PTPN22: variants seen among roughly 807,000 people sequenced by gnomAD.
The protein encoded by PTPN22 is tyrosine-protein phosphatase non-receptor type 22.
Under a neutral mutation model 103.3 loss-of-function variants are expected in PTPN22, and 85 were observed. The ratio of observed to expected loss-of-function variants is 0.82; its 90% confidence interval spans 0.69 to 0.99. The LOEUF (loss-of-function observed/expected upper bound fraction) is 0.99. Among genes scored for constraint, PTPN22 ranks in the 50% least tolerant of loss-of-function variants. The pLI, the probability that PTPN22 is intolerant of heterozygous loss-of-function variation, is 0.00. For missense variants in PTPN22, 865 were observed against 936.9 expected (o/e 0.92, Z 1.00); for synonymous variants, 323 against 310.2 (o/e 1.04, Z -0.43).
At position 113,871,669 on chromosome 1, in the gene PTPN22, A is replaced by G; in HGVS notation, c.-46T>C. 2 of 1,556,512 alleles carry G rather than the reference A, an allele frequency of 1.3e-6. No homozygotes were observed. Among genetic ancestry groups the G allele is most frequent in the Non-Finnish European group, 1.8e-6 (2 of 1,129,638 alleles). The stretch of plus-strand genomic sequence containing the variant: ...GTCTATAAGTAGGTTGAGGGAGGGC[A>G]TGTCAAATGTGTGTCATGGCCGAGA... On this transcript the variant is annotated 5_prime_UTR_variant, in exon 1 of 21. The change abolishes an upstream ATG in the 5' untranslated region. Transcript: ENST00000359785.
intron 1 of PTPN22, among the ~76,000 whole-genome samples, chr1:113,867,477 A>G (rs1158241524): frequency 6.6e-6 from 1 of 152,198 alleles, no homozygotes; most frequent in East Asian, 1.9e-4. Flanking sequence ...TTTCTTAAGG[A>G]GTAGTAAATA....
intron 9 of PTPN22, among the ~76,000 whole-genome samples, chr1:113,853,859 C>CTTTTTTTTTTTTTTTT (rs894010114): frequency 3.0e-5 from 2 of 67,152 alleles, no homozygotes; most frequent in African/African-American, 6.6e-5. Context: ...TTTTTTTTTG[C>CTTTTTTTTTTTTTTTT]TTTTTTTTTT....
At position 113,870,125 on chromosome 1, in the gene PTPN22, T is replaced by G. The variant is rs568585161; in HGVS notation, c.87+1412A>C. 2.0e-5 allele frequency among the ~76,000 whole-genome samples: 3 copies of G among 152,334 alleles called. No individual in the cohort carries two copies. The East Asian group carries it at 5.8e-4, about 29-fold the overall frequency. ...AGTGCTTAGAACTGAACTTGGTACA[T>G]ACTAAGTGCTCAATAAATGGTACTC... On this transcript the variant is annotated intron_variant, in intron 1 of 20. Transcript: ENST00000359785.
chr1:113,849,358 T>G (rs1308313823), intron 10 of PTPN22, among the ~76,000 whole-genome samples: 1 of 152,214 alleles, frequency 6.6e-6, no homozygotes, highest in East Asian at 1.9e-4. Flanking sequence ...GAGTTATTAC[T>G]ACTCTGTTTT....
intron 11 of PTPN22, among the ~76,000 whole-genome samples, chr1:113,844,319 T>A (rs1663862388): frequency 6.6e-6 from 1 of 152,162 alleles, no homozygotes; most frequent in Non-Finnish European, 1.5e-5. Context: ...CTGGCCATGG[T>A]GGCACATACC....
intron 1 of PTPN22, among the ~76,000 whole-genome samples, chr1:113,865,009 G>A (rs937491466): frequency 2.0e-5 from 3 of 152,226 alleles, no homozygotes; most frequent in African/African-American, 7.2e-5. Context: ...AGGCCCTATG[G>A]CAGAGGAAGC....
intron 5 of PTPN22, among the ~76,000 whole-genome samples, chr1:113,857,133 A>G (rs1159312863): frequency 6.6e-6 from 1 of 152,228 alleles, no homozygotes. Flanking sequence ...AACCAATATA[A>G]AATAATTATC....
intron 16 of PTPN22, 87 bp downstream of exon 16, chr1:113,833,024 C>T: frequency 7.7e-7 from 1 of 1,304,098 alleles, no homozygotes; most frequent in Non-Finnish European, 1.1e-6. Flanking sequence ...AACCAAGTAA[C>T]TTCCTGAAGT....
chr1:113,833,412 T>A (rs1484040516), intron 15 of PTPN22, among the ~76,000 whole-genome samples: 2 of 152,230 alleles, frequency 1.3e-5, no homozygotes, highest in African/African-American at 2.4e-5. Context: ...CCTGAAAATT[T>A]AATTAGAGGT....
intron 1 of PTPN22, among the ~76,000 whole-genome samples, chr1:113,860,224 G>C (rs1217421): frequency 0.77 from 116,727 of 152,058 alleles, 45,730 homozygotes; most frequent in African/African-American, 0.9. Context: ...CTCAAGCAAT[G>C]CACCTTCCTT....
chr1:113,858,996 C>T lies in PTPN22; in HGVS notation c.273+6G>A. 6.2e-7 allele frequency: 1 copy of T among 1,612,912 alleles called. No homozygotes were observed. Among genetic ancestry groups the T allele is most frequent in the Middle Eastern group, 1.7e-4 (1 of 6,058 alleles). ...TATGGAATGCTTTTATTTTCTTTCA[C>T]TGTACCTTAATGAAGTTGGCATTGA... is the stretch of plus-strand genomic sequence containing the variant. On this transcript the variant is annotated splice_donor_region_variant and intron_variant, in intron 3 of 20. Coordinates refer to ENST00000359785, the Ensembl canonical transcript of PTPN22.
chr1:113,824,701 G>A (rs1308686374), intron 19 of PTPN22, among the ~76,000 whole-genome samples: 3 of 151,996 alleles, frequency 2.0e-5, no homozygotes, highest in Non-Finnish European at 4.4e-5. Flanking sequence ...AGGATGGGTA[G>A]AAAGTACCAA....
chr1:113,851,417 GTGCTGGGA>G (rs1364539442), intron 10 of PTPN22, among the ~76,000 whole-genome samples: 2 of 152,172 alleles, frequency 1.3e-5, no homozygotes, highest in Non-Finnish European at 2.9e-5. Context: ...GCCTCCCAAA[GTGCTGGGA>G]TTACAGGTGT....
intron 13 of PTPN22, 137 bp downstream of exon 13, chr1:113,837,453 A>C: frequency 1.4e-6 from 1 of 694,040 alleles, no homozygotes; most frequent in South Asian, 2.3e-5. Flanking sequence ...CCATCTCAAA[A>C]AAAAAAAAGA....
At chr1:113,815,561 C>T (rs1220455582) in intron 20 of PTPN22, 2 of 152,272 alleles carry the variant, frequency 1.3e-5, no homozygotes, top group African/African-American at 2.4e-5. Context: ...TTTTTCACAA[C>T]TAATGAAGGC....
chr1:113,827,974 T>C (rs1270302621), intron 18 of PTPN22, among the ~76,000 whole-genome samples: 2 of 152,250 alleles, frequency 1.3e-5, no homozygotes, highest in East Asian at 1.9e-4. Flanking sequence ...GTCACTGTGG[T>C]TTTAATTTGT....
At chr1:113,848,918 T>A (rs1664325404) in intron 10 of PTPN22, among the ~76,000 whole-genome samples, 1 of 152,176 alleles carries the variant, frequency 6.6e-6, no homozygotes, top group Non-Finnish European at 1.5e-5. Flanking sequence ...TTTCTTATCT[T>A]TCTCTCCACC....
chr1:113,848,973 A>T (rs942385840), intron 10 of PTPN22, among the ~76,000 whole-genome samples: 9 of 152,136 alleles, frequency 5.9e-5, no homozygotes, highest in African/African-American at 9.7e-5. Context: ...TAAAAAAAAA[A>T]ATATTTCATT....
exon 14 of PTPN22, chr1:113,834,931 A>G (rs1033868615): frequency 1.1e-5 from 18 of 1,579,588 alleles, no homozygotes; most frequent in African/African-American, 2.8e-5. Flanking sequence ...ACCACAATAA[A>G]TGATTCAGGT....
Sources: allele counts gnomAD v4.1 joint callset (sites outside exome capture counted in the v4.1 genomes callset), GRCh38; gene constraint gnomAD v4.1.1; transcripts MANE v1.5; gene names NCBI Gene and HGNC (gene_info 2026-07-23, HGNC 2026-07-21).